TRIM7: variants seen among roughly 807,000 people sequenced by gnomAD.
The protein encoded by TRIM7 is tripartite motif containing 7.
In TRIM7, 32 loss-of-function variants were observed where a neutral mutation model predicts 37.9. The observed-to-expected ratio is 0.84, with a 90% CI of 0.64 to 1.13. The LOEUF (loss-of-function observed/expected upper bound fraction) is 1.13. TRIM7 is among the 50% of genes most tolerant of loss of function. The probability of loss-of-function intolerance (pLI) is 0.00; values close to 1 mark genes in which losing one functional copy is unlikely to be tolerated. For synonymous variants in TRIM7, 351 were observed against 321.3 expected (o/e 1.09, Z -0.99); for missense variants, 732 against 714.0 (o/e 1.03, Z -0.29).
At chr5:181,201,492 G>T (rs1757480499) in intron 2 of TRIM7, among the ~76,000 whole-genome samples, 1 of 152,196 alleles carries the variant, frequency 6.6e-6, no homozygotes, top group South Asian at 2.1e-4. Context: ...TGTCATCTCA[G>T]CACTTTGGGA....
Position 181,204,859 on chromosome 5 carries a change from G to C in TRIM7, c.252C>G (p.Pro84=), listed in dbSNP as rs1757727648. 3.0e-6 allele frequency: 4 copies of C among 1,339,766 alleles called. No homozygotes were observed. The highest frequency in any genetic ancestry group is 3.8e-6 in the Non-Finnish European group (4 of 1,054,742). The allele number at this position is 1,339,766 out of a possible 1,614,324, so 83.0% of individuals were successfully genotyped here. A position where few individuals can be genotyped will look rare whatever the true frequency, so the allele number is the denominator to read the frequency against. ...FPLPCPQCRE[P]ARPSQLRPNR... ...TGGGCCGCAGCTGACTGGGGCGCGC[G>C]GGCTCGCGGCACTGCGGACAGGGCA... Residue 84 remains proline, a synonymous_variant, in exon 1 of 7, where the codon CCC becomes CCG. Coordinates refer to ENST00000274773, the MANE Select transcript of TRIM7 (RefSeq NM_203293.3).
chr5:181,200,471 C>T (rs962187874), intron 2 of TRIM7: 6 of 1,152,046 alleles, frequency 5.2e-6, no homozygotes, highest in Non-Finnish European at 5.3e-6. Context: ...CTTCCTCAAG[C>T]ACATTTATTT....
At chr5:181,197,889 GA>G in intron 6 of TRIM7, 1 of 479,374 alleles carries the variant, frequency 2.1e-6, no homozygotes, top group Non-Finnish European at 3.8e-6. Context: ...TTGGAGTGGG[GA>G]CCGGGTAGAG....
chr5:181,200,228 T>C (rs1158489981), intron 2 of TRIM7, 147 bp from the exon 3 acceptor site: 6 of 1,532,374 alleles, frequency 3.9e-6, no homozygotes, highest in Non-Finnish European at 4.4e-6. Context: ...CAGTGCGTGC[T>C]CTATTGTCAG....
chr5:181,195,506 C>T lies in TRIM7; in HGVS notation c.1196G>A (p.Trp399Ter), dbSNP rs1438993422. 6.2e-7 allele frequency: 1 copy of T among 1,612,758 alleles called. No individual in the cohort carries two copies. Among genetic ancestry groups the T allele is most frequent in the South Asian group, 1.1e-5 (1 of 91,076 alleles). Residue 399 changes from tryptophan to a stop codon, truncating the protein, a stop_gained, in exon 7 of 7, where the codon TGG (tryptophan) becomes TAG (stop). Coordinates refer to ENST00000274773, the MANE Select transcript of TRIM7 (RefSeq NM_203293.3). LOFTEE classifies it low-confidence loss of function (END_TRUNC). ...GTCCTTAGAGCCCACCTCCACCTCC[C>T]AGTGATGCCGGCCCGAGGAGAAGCC... ...SCGFSSGRHH[W>*]EVEVGSKDGW...
rs573420542 is a variant in TRIM7, at chr5:181,198,972, T to G, written c.872+123A>C. 4 of 1,377,916 alleles carry G rather than the reference T, an allele frequency of 2.9e-6. No homozygotes were observed. In the Admixed American group the frequency reaches 6.9e-5, roughly 24 times the overall value. 85.4% of individuals were successfully genotyped at this position (1,377,916 alleles called of 1,614,324 possible). A position where few individuals can be genotyped will look rare whatever the true frequency, so the allele number is the denominator to read the frequency against. Reference sequence around the variant, plus strand: ...GCAGGTGGGCGTTTGTCTCGGAAGGTCCCCAGGCAAGCAAGTCGGGGGATC... The same window carrying G: ...GCAGGTGGGCGTTTGTCTCGGAAGGGCCCCAGGCAAGCAAGTCGGGGGATC... On this transcript the variant is annotated intron_variant, in intron 4 of 6. Transcript: ENST00000274773.
At chr5:181,198,483 A>G (rs530672156) in intron 5 of TRIM7, among the ~76,000 whole-genome samples, 3 of 151,970 alleles carry the variant, frequency 2.0e-5, no homozygotes, top group Non-Finnish European at 4.4e-5. Flanking sequence ...GTACCCCTCT[A>G]CCCCATCTGT....
At chr5:181,204,120 A>C (rs992268194) in intron 1 of TRIM7, 7 of 997,260 alleles carry the variant, frequency 7.0e-6, no homozygotes, top group Non-Finnish European at 8.3e-6. Flanking sequence ...TTAACCCGGG[A>C]GCCCCCTCCC....
At position 181,195,668 on chromosome 5, in the gene TRIM7, G is replaced by C. The variant is rs771333096; in HGVS notation, c.1034C>G (p.Thr345Ser). 2.6e-6 allele frequency: 4 copies of C among 1,524,218 alleles called. No individual in the cohort carries two copies. In the South Asian group the frequency reaches 3.9e-5, roughly 15 times the overall value. 94.4% of individuals were successfully genotyped at this position (1,524,218 alleles called of 1,614,324 possible). A position where few individuals can be genotyped will look rare whatever the true frequency, so the allele number is the denominator to read the frequency against. ...ELEKEEKVEL[T>S]LDPDTANPRL... The stretch of plus-strand genomic sequence containing the variant: ...CGGGTTGGCCGTGTCGGGATCCAAG[G>C]TGAGCTCCACTGCAGACAGAGACAG... Residue 345 changes from threonine (T) to serine (S), a missense_variant, in exon 7 of 7, where the codon ACC (threonine) becomes AGC (serine). By Grantham distance (58) the Thr-to-Ser change is moderately conservative. Coordinates refer to ENST00000274773, the MANE Select transcript of TRIM7 (RefSeq NM_203293.3).
chr5:181,201,103 A>G (rs558529094), intron 2 of TRIM7: 1 of 179,516 alleles, frequency 5.6e-6, no homozygotes, highest in Non-Finnish European at 1.1e-5. Flanking sequence ...AGCACAAGTG[A>G]AACAGTATTT....
chr5:181,197,621 A>AG (rs1757211171), intron 6 of TRIM7: 1 of 155,652 alleles, frequency 6.4e-6, no homozygotes. Context: ...ACCAAGTCAG[A>AG]GGGGCTGTGG....
At chr5:181,203,316 T>G (rs1214036153) in intron 2 of TRIM7, 1 of 1,342,294 alleles carries the variant, frequency 7.4e-7, no homozygotes, top group East Asian at 2.8e-5. Flanking sequence ...AGCTCCAGTT[T>G]AAGCCAGTTG....
chr5:181,200,840 G>A (rs1347019881), intron 2 of TRIM7: 50 of 985,390 alleles, frequency 5.1e-5, no homozygotes, highest in African/African-American at 2.3e-4. Context: ...ACTCCTGGGC[G>A]GAGGAAGGGA....
rs753990124 is a variant in TRIM7 at position 181,204,936 on chromosome 5, G to A, written c.175C>T (p.Arg59Cys). The A allele has an allele frequency of 4.9e-5, 70 of 1,414,442 alleles. No individual in the cohort carries two copies. The highest frequency in any genetic ancestry group is 2.4e-4 in the African/African-American group (16 of 65,940). The allele number at this position is 1,414,442 out of a possible 1,614,324, so 87.6% of individuals were successfully genotyped here. Residue 59 changes from arginine (R) to cysteine (C), a missense_variant, in exon 1 of 7, where the codon CGC becomes TGC. Coordinates refer to ENST00000274773, the MANE Select transcript of TRIM7 (RefSeq NM_203293.3). Reference protein sequence around the residue: ...CRACIGRCWERPGAGSVGAAT... With the variant: ...CRACIGRCWECPGAGSVGAAT... ...GCCCCAACAGACCCCGCGCCCGGGC[G>A]CTCCCAGCAGCGCCCTATGCAGGCG... is the stretch of plus-strand genomic sequence containing the variant.
At chr5:181,195,763 A>C in intron 6 of TRIM7, 86 bp from the exon 7 acceptor site, 1 of 1,472,834 alleles carries the variant, frequency 6.8e-7, no homozygotes, top group South Asian at 1.4e-5. Flanking sequence ...CTTGCTTTGC[A>C]ACCTGCCTGC....
rs924729003 is a variant in TRIM7, at chr5:181,204,903, G to A, written c.208C>T (p.Arg70Cys). Residue 70 changes from arginine (R) to cysteine (C), a missense_variant, in exon 1 of 7, where the codon CGC becomes TGC. Transcript: ENST00000274773. The stretch of plus-strand genomic sequence containing the variant: ...CAGGGCAGTGGGAAGGGGGGCGCGC[G>A]GGTGGCGGCCCCAACAGACCCCGCG... Reference protein sequence around the residue: ...PGAGSVGAATRAPPFPLPCPQ... With the variant: ...PGAGSVGAATCAPPFPLPCPQ... 2.2e-6 allele frequency: 3 copies of A among 1,370,924 alleles called. No homozygotes were observed. The highest frequency in any genetic ancestry group is 3.9e-5 in the Admixed American group (1 of 25,366). The allele number at this position is 1,370,924 out of a possible 1,614,324, so 84.9% of individuals were successfully genotyped here.
In TRIM7 at chr5:181,203,474, CA is replaced by C; in HGVS notation, c.618+70del. ...ATAGCACACACTCCAACACCACACA[CA>C]CCGAGCCCTGGTGCTGAGTTCTCAG... On this transcript the variant is annotated intron_variant, in intron 2 of 6. Transcript: ENST00000274773. 1.9e-6 allele frequency: 3 copies of C among 1,601,292 alleles called. No homozygotes were observed. The South Asian group carries it at 3.4e-5, about 18-fold the overall frequency.
chr5:181,198,105 C>G lies in TRIM7; in HGVS notation c.1024+78G>C, dbSNP rs1256249351. ...TGAAGGAACCGACCATATGCAAAAC[C>G]CTGAGATGGTCACGAGCAGGGAGTA... is the stretch of plus-strand genomic sequence containing the variant. On this transcript the variant is annotated intron_variant, in intron 6 of 6. Coordinates refer to ENST00000274773, the MANE Select transcript of TRIM7 (RefSeq NM_203293.3). The G allele has an allele frequency of 2.6e-6, 4 of 1,552,996 alleles. No individual in the cohort carries two copies. The Admixed American group carries it at 6.8e-5, about 26-fold the overall frequency.
intron 2 of TRIM7, 84 bp downstream of exon 2, chr5:181,203,461 C>A (rs772611878): frequency 1.3e-6 from 2 of 1,592,210 alleles, no homozygotes; most frequent in African/African-American, 2.7e-5. Context: ...AGCACACACT[C>A]CAACACCACA....
Sources: gnomAD v4.1 joint callset for allele counts (sites outside exome capture counted in the v4.1 genomes callset) on GRCh38, gnomAD v4.1.1 for gene constraint, MANE v1.5 for transcripts, NCBI Gene and HGNC (gene_info 2026-07-23, HGNC 2026-07-21) for gene names.